HHAT: variants seen among roughly 807,000 people sequenced by gnomAD.
HHAT encodes hedgehog acyltransferase.
HHAT carries 47 observed loss-of-function variants against 70.8 expected under a neutral mutation model. That is an observed-to-expected ratio of 0.66 (90% CI 0.53 to 0.85). The LOEUF is 0.85. Among genes scored for constraint, HHAT ranks in the 40% least tolerant of loss-of-function variants. The pLI, the probability that HHAT is intolerant of heterozygous loss-of-function variation, is 0.00. For synonymous variants in HHAT, 228 were observed against 247.6 expected (o/e 0.92, Z 0.74); for missense variants, 609 against 604.8 (o/e 1.01, Z -0.07).
intron 2 of HHAT, among the ~76,000 whole-genome samples, chr1:210,350,195 T>C (rs1385096365): frequency 2.6e-5 from 4 of 152,232 alleles, no homozygotes; most frequent in Non-Finnish European, 5.9e-5. Flanking sequence ...AAAATAACTT[T>C]AGCCATAAAA....
At chr1:210,585,102 A>G (rs947639954) in intron 9 of HHAT, among the ~76,000 whole-genome samples, 1 of 149,524 alleles carries the variant, frequency 6.7e-6, no homozygotes, top group Admixed American at 6.7e-5. Flanking sequence ...GGTGAAATAT[A>G]GAGGACTTTA....
At chr1:210,548,540 A>G (rs536202010) in intron 9 of HHAT, among the ~76,000 whole-genome samples, 1 of 152,292 alleles carries the variant, frequency 6.6e-6, no homozygotes, top group Non-Finnish European at 1.5e-5. Context: ...GGTGGTAAAG[A>G]AGGTGGGGAC....
intron 8 of HHAT, among the ~76,000 whole-genome samples, chr1:210,468,467 T>G (rs187455866): frequency 1.2e-4 from 19 of 152,302 alleles, no homozygotes; most frequent in African/African-American, 4.6e-4. Flanking sequence ...AGAGGCAAAC[T>G]CATGCATGAT....
intron 11 of HHAT, among the ~76,000 whole-genome samples, chr1:210,671,983 A>G (rs1680182925): frequency 1.3e-5 from 2 of 152,218 alleles, no homozygotes; most frequent in African/African-American, 4.8e-5. Flanking sequence ...ATCTTGGTAG[A>G]GAAAGACTTC....
chr1:210,402,718 C>G (rs552503167), intron 5 of HHAT, among the ~76,000 whole-genome samples: 4 of 152,352 alleles, frequency 2.6e-5, no homozygotes, highest in South Asian at 2.1e-4. Flanking sequence ...TAGGCACATT[C>G]AAAATCTTGG....
intron 8 of HHAT, among the ~76,000 whole-genome samples, chr1:210,496,296 C>G (rs1257647513): frequency 1.3e-5 from 2 of 152,084 alleles, no homozygotes; most frequent in Non-Finnish European, 2.9e-5. Flanking sequence ...CCACATAGGC[C>G]TTTCCTTAGG....
intron 7 of HHAT, among the ~76,000 whole-genome samples, chr1:210,450,052 G>C (rs2093718246): frequency 6.6e-6 from 1 of 152,112 alleles, no homozygotes; most frequent in Non-Finnish European, 1.5e-5. Flanking sequence ...CCTGCACTTT[G>C]GGAGGCCGAG....
chr1:210,400,581 G>A lies in HHAT; in HGVS notation c.387G>A (p.Gln129=), dbSNP rs545915563. 8.7e-6 allele frequency: 14 copies of A among 1,614,132 alleles called. No individual in the cohort carries two copies. In the African/African-American group the frequency reaches 1.7e-4, roughly 20 times the overall value. ...CCACCATCTCTTTCTGCGTGGCCCA[G>A]TTCCGGTCTCAGCTCCTGACGTGGC... is the stretch of plus-strand genomic sequence containing the variant. ...LHTTISFCVA[Q]FRSQLLTWLC... is the part of the protein sequence containing the mutation. Residue 129 remains glutamine, a synonymous_variant, in exon 5 of 12, where the codon CAG becomes CAA. Coordinates refer to ENST00000261458, the MANE Select transcript of HHAT (RefSeq NM_018194.6).
chr1:210,458,075 A>G (rs563588039), intron 7 of HHAT, among the ~76,000 whole-genome samples: 1 of 152,230 alleles, frequency 6.6e-6, no homozygotes, highest in Non-Finnish European at 1.5e-5. Flanking sequence ...AAAAATTTAT[A>G]TGTAGAGAAG....
intron 8 of HHAT, among the ~76,000 whole-genome samples, chr1:210,506,038 G>A (rs184071679): frequency 6.6e-6 from 1 of 152,164 alleles, no homozygotes; most frequent in South Asian, 2.1e-4. Context: ...CCATGGACAC[G>A]GTGTGTGGGC....
At chr1:210,449,234 C>T (rs1207177628) in intron 7 of HHAT, among the ~76,000 whole-genome samples, 1 of 151,480 alleles carries the variant, frequency 6.6e-6, no homozygotes, top group African/African-American at 2.4e-5. Context: ...TATCTAGCTC[C>T]TTTTTCTGCC....
chr1:210,523,724 C>T (rs984999728), intron 9 of HHAT, among the ~76,000 whole-genome samples: 2 of 152,232 alleles, frequency 1.3e-5, no homozygotes, highest in African/African-American at 4.8e-5. Flanking sequence ...GTCTAGAGGG[C>T]TCCTAAACAT....
intron 7 of HHAT, among the ~76,000 whole-genome samples, chr1:210,461,059 T>C (rs537544541): frequency 8.5e-4 from 129 of 152,340 alleles, no homozygotes; most frequent in African/African-American, 2.9e-3. Context: ...CAGAAATATT[T>C]GTTAAAGTAT....
intron 1 of HHAT, among the ~76,000 whole-genome samples, chr1:210,344,468 G>A (rs140640361): frequency 6.6e-6 from 1 of 152,230 alleles, no homozygotes; most frequent in East Asian, 1.9e-4. Context: ...TGGTCCCAGT[G>A]TGTGAATGTA....
At chr1:210,666,575 C>A (rs1214758352) in intron 11 of HHAT, among the ~76,000 whole-genome samples, 1 of 152,144 alleles carries the variant, frequency 6.6e-6, no homozygotes, top group Non-Finnish European at 1.5e-5. Flanking sequence ...CCTTTGCCTC[C>A]CGGGTTCAAG....
At position 210,529,661 on chromosome 1, in the gene HHAT, T is replaced by C. The variant is rs551456019; in HGVS notation, c.1043+16473T>C. 2.0e-5 allele frequency among the ~76,000 whole-genome samples: 3 copies of C among 152,238 alleles called. No individual in the cohort carries two copies. In the East Asian group the frequency reaches 5.8e-4, roughly 29 times the overall value. ...GTAACTGGGATTCAGAAGAGCATCG[T>C]GGGAATGACAGGGCCTCCCACAGAA... On this transcript the variant is annotated intron_variant, in intron 9 of 11. Transcript: ENST00000261458.
chr1:210,654,360 C>T (rs1423150869), intron 11 of HHAT, among the ~76,000 whole-genome samples: 1 of 152,172 alleles, frequency 6.6e-6, no homozygotes, highest in Non-Finnish European at 1.5e-5. Context: ...GAACCCACAC[C>T]ATGAATGCCT....
chr1:210,532,910 A>G (rs1399587376), intron 9 of HHAT, among the ~76,000 whole-genome samples: 1 of 152,242 alleles, frequency 6.6e-6, no homozygotes, highest in Non-Finnish European at 1.5e-5. Flanking sequence ...ATTCTTAAGG[A>G]CAATATTTAT....
intron 10 of HHAT, among the ~76,000 whole-genome samples, chr1:210,618,701 T>C (rs1035284045): frequency 6.6e-6 from 1 of 152,070 alleles, no homozygotes; most frequent in African/African-American, 2.4e-5. Flanking sequence ...CTGCCTCCCT[T>C]CCCCATGTAT....
Sources: gnomAD v4.1 joint callset for allele counts (sites outside exome capture counted in the v4.1 genomes callset) on GRCh38, gnomAD v4.1.1 for gene constraint, MANE v1.5 for transcripts, NCBI Gene and HGNC (gene_info 2026-07-23, HGNC 2026-07-21) for gene names.